Variants in TNFSF4 observed in about 807,000 individuals in gnomAD.
The protein encoded by TNFSF4 is TNF superfamily member 4.
In TNFSF4, 4 loss-of-function variants were observed where a neutral mutation model predicts 7.3. The ratio of observed to expected loss-of-function variants is 0.55; its 90% CI spans 0.27 to 1.25. TNFSF4 has a LOEUF of 1.25. TNFSF4 is among the 50% of genes most tolerant of loss of function. The pLI is 0.12. For missense variants in TNFSF4, 181 were observed against 208.8 expected (o/e 0.87, Z 0.82); for synonymous variants, 76 against 83.7 (o/e 0.91, Z 0.50).
chr1:173,292,794 G>T, the TNFSF4 span, among the ~76,000 whole-genome samples: 2 of 151,968 alleles, frequency 1.3e-5, no homozygotes, highest in Non-Finnish European at 2.9e-5. Flanking sequence ...ACTTCAATAA[G>T]GTTTCAGGAT....
chr1:173,393,346 T>A, the TNFSF4 span, among the ~76,000 whole-genome samples: 1 of 152,230 alleles, frequency 6.6e-6, no homozygotes, highest in Non-Finnish European at 1.5e-5. Context: ...TACTTTGTTA[T>A]CTGCCACATC....
At chr1:173,427,556 G>A in the TNFSF4 span, among the ~76,000 whole-genome samples, 1 of 152,176 alleles carries the variant, frequency 6.6e-6, no homozygotes, top group Non-Finnish European at 1.5e-5. Flanking sequence ...AAAAAAGAGA[G>A]ACATGAGATT....
At chr1:173,352,691 C>A in the TNFSF4 span, among the ~76,000 whole-genome samples, 2 of 152,180 alleles carry the variant, frequency 1.3e-5, no homozygotes, top group Non-Finnish European at 2.9e-5. Flanking sequence ...CCACTGTGCA[C>A]GCATTGTCAT....
At chr1:173,448,895 A>G in the TNFSF4 span, among the ~76,000 whole-genome samples, 1 of 152,348 alleles carries the variant, frequency 6.6e-6, no homozygotes, top group South Asian at 2.1e-4. Flanking sequence ...GAACTAAGTT[A>G]AAAATTAATA....
In TNFSF4 at chr1:173,187,438, C is replaced by T. The variant is rs188445329; in HGVS notation, c.203-573G>A. On this transcript the variant is annotated intron_variant, in intron 2 of 2. Transcript: ENST00000281834. ...CAACTCTTGCCTTTCTGTCATCTGA[C>T]CATGAAATGCAAATTTTCCACATGC... Among the ~76,000 whole-genome samples the T allele has an allele frequency of 1.7e-3, 263 of 152,342 alleles. 2 individuals are homozygous for T. The highest frequency in any genetic ancestry group is 5.8e-3 in the African/African-American group (241 of 41,586).
chr1:173,244,652 A>AC, the TNFSF4 span, among the ~76,000 whole-genome samples: 2 of 140,414 alleles, frequency 1.4e-5, no homozygotes, highest in African/African-American at 5.9e-5. Context: ...AAAAAAAAAC[A>AC]AAAAACAAAA....
the TNFSF4 span, among the ~76,000 whole-genome samples, chr1:173,224,195 G>A: frequency 6.6e-6 from 1 of 152,328 alleles, no homozygotes. Context: ...ATCCTAGTAA[G>A]TGTCCATTGC....
the TNFSF4 span, among the ~76,000 whole-genome samples, chr1:173,382,874 T>TCA: frequency 0.26 from 23,430 of 91,106 alleles, 2,013 homozygotes; most frequent in Middle Eastern, 0.37. Context: ...TTTACTGTTT[T>TCA]CACACACACA....
chr1:173,390,736 TC>T, the TNFSF4 span, among the ~76,000 whole-genome samples: 6 of 65,296 alleles, frequency 9.2e-5, no homozygotes, highest in Admixed American at 5.1e-4. Context: ...ACATTCTGCT[TC>T]TTTTTTTTTT....
chr1:173,368,688 G>A, the TNFSF4 span, among the ~76,000 whole-genome samples: 2 of 151,948 alleles, frequency 1.3e-5, no homozygotes, highest in Non-Finnish European at 2.9e-5. Context: ...AAGCCATTCA[G>A]CTTCGGGGTC....
the TNFSF4 span, among the ~76,000 whole-genome samples, chr1:173,229,887 C>A: frequency 3.3e-5 from 5 of 152,266 alleles, no homozygotes; most frequent in East Asian, 7.7e-4. Context: ...AGCTAACTAT[C>A]TTAAATATAT....
the TNFSF4 span, among the ~76,000 whole-genome samples, chr1:173,417,565 T>C: frequency 6.6e-6 from 1 of 152,178 alleles, no homozygotes. Context: ...GACCAAAACC[T>C]AGAAAACCAA....
the TNFSF4 span, among the ~76,000 whole-genome samples, chr1:173,299,490 T>A: frequency 4.2e-4 from 64 of 151,998 alleles, no homozygotes; most frequent in African/African-American, 1.5e-3. Flanking sequence ...CTCTACCCAA[T>A]CCTACTTCTT....
the TNFSF4 span, among the ~76,000 whole-genome samples, chr1:173,446,068 T>C: frequency 6.6e-6 from 1 of 151,930 alleles, no homozygotes; most frequent in African/African-American, 2.4e-5. Context: ...TCACTCAGCG[T>C]ACAAAGAACC....
At chr1:173,384,882 T>C in the TNFSF4 span, among the ~76,000 whole-genome samples, 7 of 152,350 alleles carry the variant, frequency 4.6e-5, no homozygotes, top group Non-Finnish European at 1.0e-4. Flanking sequence ...AAATTTTTAT[T>C]ATCTCTACTC....
the TNFSF4 span, among the ~76,000 whole-genome samples, chr1:173,230,779 C>T: frequency 6.6e-6 from 1 of 152,150 alleles, no homozygotes; most frequent in Non-Finnish European, 1.5e-5. Flanking sequence ...TACAAACTAC[C>T]TTCAGAGAAT....
the TNFSF4 span, among the ~76,000 whole-genome samples, chr1:173,442,545 G>GTTTTTTTTTTTTTTT: frequency 4.5e-4 from 42 of 93,448 alleles, 3 homozygotes; most frequent in Non-Finnish European, 6.1e-4. Context: ...TTTCGTTTTT[G>GTTTTTTTTTTTTTTT]TTTTTGTTTT....
intron 1 of TNFSF4, among the ~76,000 whole-genome samples, chr1:173,189,803 G>A (rs1649398001): frequency 6.6e-6 from 1 of 152,066 alleles, no homozygotes; most frequent in Non-Finnish European, 1.5e-5. Context: ...TGTCCCTGGA[G>A]AAAAAAATTG....
At chr1:173,174,340 C>T in the TNFSF4 span, 3 of 152,244 alleles carry the variant, frequency 2.0e-5, no homozygotes, top group African/African-American at 7.2e-5. Context: ...ACTGTTCCAA[C>T]CTCTACCTGT....
Sources: gnomAD v4.1 joint callset for allele counts (sites outside exome capture counted in the v4.1 genomes callset) on GRCh38, gnomAD v4.1.1 for gene constraint, MANE v1.5 for transcripts, NCBI Gene and HGNC (gene_info 2026-07-23, HGNC 2026-07-21) for gene names.